Variants in DENND2C observed in about 807,000 individuals in gnomAD.
DENND2C encodes the protein DENN domain containing 2C.
DENND2C carries 72 observed loss-of-function variants against 112.4 expected under a neutral mutation model. The ratio of observed to expected loss-of-function variants is 0.64; its 90% CI spans 0.53 to 0.78. The LOEUF (loss-of-function observed/expected upper bound fraction) is 0.78, where lower values mean the gene tolerates loss of function less well. DENND2C is among the 30% of genes least tolerant of loss of function. DENND2C has a pLI of 0.00. For missense variants in DENND2C, 992 were observed against 1,113.8 expected, an observed-to-expected ratio of 0.89 and a Z score of 1.56; for synonymous variants, 329 against 381.6, an observed-to-expected ratio of 0.86 and a Z score of 1.61.
At position 114,608,885 on chromosome 1, in the gene DENND2C, T is replaced by A; in HGVS notation, c.1370-12A>T. 6.2e-7 allele frequency: 1 copy of A among 1,613,752 alleles called. No homozygotes were observed. ...GCGTTTATGGCGATCTGTAATGAAA[T>A]CATGGAGAAATGTTTTTTTCTCTGT... On this transcript the variant is annotated splice_polypyrimidine_tract_variant and intron_variant, in intron 9 of 20. Transcript: ENST00000393274.
At chr1:114,637,127 G>A (rs893430564) in intron 3 of DENND2C, among the ~76,000 whole-genome samples, 13 of 151,010 alleles carry the variant, frequency 8.6e-5, no homozygotes, top group Admixed American at 4.0e-4. Flanking sequence ...TTAGCTAGGC[G>A]TGGTGGTGCA....
intron 7 of DENND2C, among the ~76,000 whole-genome samples, chr1:114,621,223 G>C (rs2101663312): frequency 6.6e-6 from 1 of 152,216 alleles, no homozygotes; most frequent in Non-Finnish European, 1.5e-5. Context: ...AGGAGTTCAA[G>C]ACCAGCCTGG....
rs1479793433 is a variant in DENND2C, at chr1:114,584,766, A to G, written c.*834T>C. ...AATTTCACAAAGTTTAAATTTATTTACTTATTTTTAAAATGTTTTTGTAGA... is the reference window on the plus strand; with the variant it reads ...AATTTCACAAAGTTTAAATTTATTTGCTTATTTTTAAAATGTTTTTGTAGA... On this transcript the variant is annotated 3_prime_UTR_variant, in exon 21 of 21. Transcript: ENST00000393274. 1 of 152,128 alleles carries G rather than the reference A, an allele frequency of 6.6e-6. No homozygotes were observed. The highest frequency in any genetic ancestry group is 2.4e-5 in the African/African-American group (1 of 41,428). The allele number at this position is 152,128 out of a possible 1,614,324, so 9.4% of individuals were successfully genotyped here. A position where few individuals can be genotyped will look rare whatever the true frequency, so the allele number is the denominator to read the frequency against.
At chr1:114,623,155 C>G in intron 5 of DENND2C, 56 bp from the exon 6 acceptor site, 1 of 1,483,616 alleles carries the variant, frequency 6.7e-7, no homozygotes, top group Non-Finnish European at 9.2e-7. Flanking sequence ...GCAAAGATAA[C>G]CACAGCTGGC....
chr1:114,600,439 AG>A, intron 14 of DENND2C, 87 bp from the exon 15 acceptor site: 1 of 1,533,474 alleles, frequency 6.5e-7, no homozygotes, highest in Non-Finnish European at 8.9e-7. Context: ...TTCTTATATA[AG>A]TTAAATTCAA....
At chr1:114,623,484 A>G in intron 5 of DENND2C, 23 bp downstream of exon 5, 1 of 1,594,040 alleles carries the variant, frequency 6.3e-7, no homozygotes, top group Non-Finnish European at 8.5e-7. Context: ...ACTAAATTTA[A>G]CTGCAAAGTT....
chr1:114,594,242 T>C lies in DENND2C; in HGVS notation c.2431+231A>G, dbSNP rs149119581. ...ACAGGAAGAAAGGGCAGGAGTCATG[T>C]GGATATCTGCGGGAATAGCATTCTA... On this transcript the variant is annotated intron_variant, in intron 18 of 20. Transcript: ENST00000393274. Among the ~76,000 whole-genome samples the C allele has an allele frequency of 5.2e-3, 787 of 152,296 alleles. 8 individuals are homozygous for C. The highest frequency in any genetic ancestry group is 0.018 in the African/African-American group (749 of 41,556).
intron 10 of DENND2C, among the ~76,000 whole-genome samples, chr1:114,605,670 T>C (rs183543958): frequency 6.6e-6 from 1 of 152,152 alleles, no homozygotes; most frequent in Non-Finnish European, 1.5e-5. Context: ...CACATGCCTG[T>C]AGTCCCAGCT....
At chr1:114,587,556 T>C in intron 19 of DENND2C, 83 bp from the exon 20 acceptor site, 1 of 1,521,000 alleles carries the variant, frequency 6.6e-7, no homozygotes, top group East Asian at 2.3e-5. Flanking sequence ...ATAACCAGTG[T>C]ATTATTTCCA....
At chr1:114,646,242 A>C (rs1233891500) in intron 2 of DENND2C, among the ~76,000 whole-genome samples, 2 of 152,104 alleles carry the variant, frequency 1.3e-5, no homozygotes, top group Non-Finnish European at 2.9e-5. Flanking sequence ...TTCATTGTTA[A>C]AACATCATGT....
In DENND2C at chr1:114,621,804, C is replaced by T. The variant is rs1420013611; in HGVS notation, c.1227+91G>A. The stretch of plus-strand genomic sequence containing the variant: ...TCTAATCCCAGTAGGTCAGTTCTAA[C>T]CTATTATTCATTTCGGTCTAAAGTT... On this transcript the variant is annotated intron_variant, in intron 7 of 20. Coordinates refer to ENST00000393274, the MANE Select transcript of DENND2C (RefSeq NM_001256404.2). 2.7e-6 allele frequency: 4 copies of T among 1,483,992 alleles called. No homozygotes were observed. In the African/African-American group the frequency reaches 4.2e-5, roughly 16 times the overall value. The allele number at this position is 1,483,992 out of a possible 1,614,324, so 91.9% of individuals were successfully genotyped here.
At chr1:114,611,457 T>G (rs1369359369) in intron 8 of DENND2C, among the ~76,000 whole-genome samples, 2 of 152,184 alleles carry the variant, frequency 1.3e-5, no homozygotes, top group Non-Finnish European at 1.5e-5. Flanking sequence ...GTTGTTTGTA[T>G]ATTCCAAATA....
chr1:114,617,312 T>C (rs1553234393), intron 8 of DENND2C, among the ~76,000 whole-genome samples: 4 of 152,148 alleles, frequency 2.6e-5, no homozygotes, highest in Non-Finnish European at 5.9e-5. Context: ...TAAAACTTAT[T>C]ATTTTTTTTC....
intron 5 of DENND2C, among the ~76,000 whole-genome samples, 165 bp from the exon 6 acceptor site, chr1:114,623,264 A>C (rs1434409003): frequency 6.6e-6 from 1 of 152,216 alleles, no homozygotes; most frequent in Non-Finnish European, 1.5e-5. Context: ...TATGGGTTCA[A>C]CAGAGCTAAA....
chr1:114,639,894 C>A (rs1656775845), intron 3 of DENND2C, among the ~76,000 whole-genome samples: 1 of 152,062 alleles, frequency 6.6e-6, no homozygotes, highest in Non-Finnish European at 1.5e-5. Context: ...CTGGAAAGAG[C>A]ATGGCTGCAG....
At chr1:114,600,400 C>A in intron 14 of DENND2C, 48 bp from the exon 15 acceptor site, 1 of 1,608,468 alleles carries the variant, frequency 6.2e-7, no homozygotes, top group African/African-American at 1.3e-5. Flanking sequence ...GGAAAACAAT[C>A]CCTAGTGCCA....
At chr1:114,633,439 C>CAAAAAAAAAAAAAAAAA (rs780884019) in intron 3 of DENND2C, among the ~76,000 whole-genome samples, 4 of 49,214 alleles carry the variant, frequency 8.1e-5, no homozygotes, top group Non-Finnish European at 1.2e-4. Flanking sequence ...GACCCTATCT[C>CAAAAAAAAAAAAAAAAA]AAAAAAAAAA....
intron 3 of DENND2C, among the ~76,000 whole-genome samples, chr1:114,632,585 A>C (rs1281091687): frequency 6.6e-6 from 1 of 152,224 alleles, no homozygotes; most frequent in Non-Finnish European, 1.5e-5. Flanking sequence ...TGTCAACAGC[A>C]GGCCTGCATT....
chr1:114,657,246 AT>A (rs1470216436), intron 1 of DENND2C, among the ~76,000 whole-genome samples: 1 of 151,232 alleles, frequency 6.6e-6, no homozygotes, highest in Non-Finnish European at 1.5e-5. Context: ...TTTCAAACTC[AT>A]TTTTTTCTTT....
Sources: allele counts gnomAD v4.1 joint callset (sites outside exome capture counted in the v4.1 genomes callset), GRCh38; gene constraint gnomAD v4.1.1; transcripts MANE v1.5; gene names NCBI Gene and HGNC (gene_info 2026-07-23, HGNC 2026-07-21).